Variants in VRK2 observed in about 807,000 individuals in gnomAD.
VRK2 encodes the protein VRK serine/threonine kinase 2, also known as serine/threonine-protein kinase VRK2.
A neutral mutation model predicts 57.6 loss-of-function variants in VRK2; 60 were observed. The ratio of observed to expected loss-of-function variants is 1.04; its 90% CI spans 0.85 to 1.29. The LOEUF is 1.29. Ranked by LOEUF, VRK2 falls within the 50% of genes most tolerant of loss-of-function variation. The pLI is 0.00. For missense variants in VRK2, 705 were observed against 588.1 expected (o/e 1.20, Z -2.06); for synonymous variants, 231 against 199.2 (o/e 1.16, Z -1.35).
intron 2 of VRK2, among the ~76,000 whole-genome samples, chr2:58,050,130 A>G (rs192697829): frequency 9.1e-4 from 138 of 152,310 alleles, no homozygotes; most frequent in African/African-American, 3.0e-3. Context: ...GTAGTTTAAA[A>G]TTTTCTAGGA....
chr2:58,133,110 A>T (rs2104548704), intron 9 of VRK2, among the ~76,000 whole-genome samples: 1 of 152,258 alleles, frequency 6.6e-6, no homozygotes, highest in African/African-American at 2.4e-5. Context: ...TTTTAATTCT[A>T]ATGATTATAT....
At chr2:57,916,132 C>A (rs11887238) in intron 1 of VRK2, among the ~76,000 whole-genome samples, 12,084 of 152,054 alleles carry the variant, frequency 0.079, 776 homozygotes, top group African/African-American at 0.17. Context: ...CAAGGGCGGG[C>A]GCGGTGGCTC....
At chr2:58,140,221 C>T (rs1681126025) in intron 11 of VRK2, among the ~76,000 whole-genome samples, 1 of 151,898 alleles carries the variant, frequency 6.6e-6, no homozygotes, top group South Asian at 2.1e-4. Context: ...TTCGATTTAA[C>T]CAGGTTATTT....
At chr2:57,955,417 C>A (rs561252750) in intron 1 of VRK2, among the ~76,000 whole-genome samples, 5 of 151,882 alleles carry the variant, frequency 3.3e-5, no homozygotes, top group Non-Finnish European at 7.4e-5. Context: ...ATAATGATAG[C>A]AAAATATAAA....
At chr2:57,955,455 G>T (rs181195121) in intron 1 of VRK2, among the ~76,000 whole-genome samples, 2 of 152,090 alleles carry the variant, frequency 1.3e-5, no homozygotes, top group African/African-American at 4.8e-5. Flanking sequence ...AATTACATTA[G>T]AAAACATTAA....
chr2:58,016,357 AT>A (rs1214558190), intron 1 of VRK2, among the ~76,000 whole-genome samples: 3 of 151,088 alleles, frequency 2.0e-5, no homozygotes, highest in African/African-American at 7.4e-5. Flanking sequence ...TTAATTAATT[AT>A]TTTTTTGAAA....
At chr2:57,956,086 C>T (rs905844562) in intron 1 of VRK2, among the ~76,000 whole-genome samples, 6 of 151,948 alleles carry the variant, frequency 3.9e-5, no homozygotes, top group African/African-American at 1.5e-4. Flanking sequence ...AAATGAGCAC[C>T]CTGCAGCATT....
chr2:58,077,587 C>T (rs780354829), intron 2 of VRK2, among the ~76,000 whole-genome samples: 4 of 151,916 alleles, frequency 2.6e-5, no homozygotes, highest in Non-Finnish European at 4.4e-5. Context: ...TCATCTGGCC[C>T]CCAAAAGTGA....
At chr2:58,012,410 CT>C (rs1405513688) in intron 1 of VRK2, among the ~76,000 whole-genome samples, 1 of 152,200 alleles carries the variant, frequency 6.6e-6, no homozygotes, top group Non-Finnish European at 1.5e-5. Flanking sequence ...GAGCACCACC[CT>C]TTCAGCACTT....
intron 2 of VRK2, among the ~76,000 whole-genome samples, chr2:58,070,064 T>G (rs1254902128): frequency 6.6e-6 from 1 of 152,202 alleles, no homozygotes; most frequent in African/African-American, 2.4e-5. Context: ...TACCTCTTTC[T>G]CCCACTGTTG....
chr2:58,073,912 G>T (rs1669707175), intron 2 of VRK2, among the ~76,000 whole-genome samples: 1 of 151,904 alleles, frequency 6.6e-6, no homozygotes, highest in African/African-American at 2.4e-5. Flanking sequence ...TAGCCACCTT[G>T]GCAGCTGATT....
intron 7 of VRK2, among the ~76,000 whole-genome samples, chr2:58,106,958 G>C (rs1197824493): frequency 6.6e-6 from 1 of 152,004 alleles, no homozygotes; most frequent in African/African-American, 2.4e-5. Flanking sequence ...CAGGGAAATT[G>C]AGGAGAAACA....
At chr2:57,917,253 G>T (rs1670187263) in intron 1 of VRK2, among the ~76,000 whole-genome samples, 1 of 151,968 alleles carries the variant, frequency 6.6e-6, no homozygotes, top group South Asian at 2.1e-4. Flanking sequence ...ATTAGCACTA[G>T]ACCTACTCAC....
chr2:57,942,834 A>G (rs1220621226), intron 1 of VRK2, among the ~76,000 whole-genome samples: 1 of 152,208 alleles, frequency 6.6e-6, no homozygotes, highest in Non-Finnish European at 1.5e-5. Context: ...CCGATGCAGA[A>G]TGACTTCACA....
intron 11 of VRK2, among the ~76,000 whole-genome samples, chr2:58,144,020 TATATATAC>T (rs1681738353): frequency 6.6e-6 from 1 of 151,298 alleles, no homozygotes; most frequent in South Asian, 2.1e-4. Flanking sequence ...TATACACATA[TATATATAC>T]ATATATACAC....
chr2:58,008,744 T>G (rs560999222), intron 1 of VRK2, among the ~76,000 whole-genome samples: 4 of 152,276 alleles, frequency 2.6e-5, no homozygotes, highest in African/African-American at 9.6e-5. Context: ...TTCAATAGAC[T>G]GGTTATATCT....
chr2:57,983,858 C>A (rs1172282576), intron 1 of VRK2, among the ~76,000 whole-genome samples: 1 of 152,066 alleles, frequency 6.6e-6, no homozygotes, highest in Admixed American at 6.5e-5. Flanking sequence ...ATTGTTTGAT[C>A]TTTTTTCTTT....
intron 1 of VRK2, among the ~76,000 whole-genome samples, chr2:58,022,772 G>A (rs1361979219): frequency 1.3e-5 from 2 of 152,144 alleles, no homozygotes; most frequent in Admixed American, 6.5e-5. Flanking sequence ...CTACTCAGGA[G>A]GCTGAGACTG....
chr2:58,013,414 G>A (rs1012606972), intron 1 of VRK2, among the ~76,000 whole-genome samples: 6 of 152,146 alleles, frequency 3.9e-5, no homozygotes, highest in African/African-American at 7.2e-5. Flanking sequence ...CTGCTAATAC[G>A]CTAGAAATAA....
Sources: gnomAD v4.1 joint callset for allele counts (sites outside exome capture counted in the v4.1 genomes callset) on GRCh38, gnomAD v4.1.1 for gene constraint, MANE v1.5 for transcripts, NCBI Gene and HGNC (gene_info 2026-07-23, HGNC 2026-07-21) for gene names.